FHIT: variants seen among roughly 807,000 people sequenced by gnomAD.
FHIT encodes fragile histidine triad diadenosine triphosphatase.
A neutral mutation model predicts 17.9 loss-of-function variants in FHIT; 19 were observed. That is an observed-to-expected ratio of 1.06 (90% CI 0.74 to 1.56). The LOEUF is 1.56. Among genes scored for constraint, FHIT ranks in the 40% most tolerant of loss-of-function variants. FHIT has a pLI of 0.00. For missense variants in FHIT, 248 were observed against 189.2 expected, an observed-to-expected ratio of 1.31 and a Z score of -1.82; for synonymous variants, 81 against 69.7, an observed-to-expected ratio of 1.16 and a Z score of -0.81.
intron 5 of FHIT, among the ~76,000 whole-genome samples, chr3:60,085,058 G>A (rs1576064220): frequency 6.6e-6 from 1 of 152,246 alleles, no homozygotes; most frequent in Middle Eastern, 3.4e-3. Context: ...CTGGCTCCCT[G>A]TCGCCATGTT....
At chr3:59,988,820 A>C (rs1187627745) in intron 7 of FHIT, among the ~76,000 whole-genome samples, 3 of 152,078 alleles carry the variant, frequency 2.0e-5, no homozygotes, top group African/African-American at 7.2e-5. Context: ...AAGCCCTCCA[A>C]GATAGGGGAA....
rs963842121 is a variant in FHIT at position 60,537,487 on chromosome 3, C to T, written c.-17-508G>A. On this transcript the variant is annotated intron_variant, in intron 4 of 9. Transcript: ENST00000492590. ...GCCTACAATTACAAAAACATGAGCA[C>T]TTCCAGAGAACTATTCTAGTAAAAT... 5 of 981,722 alleles carry T rather than the reference C, an allele frequency of 5.1e-6. No homozygotes were observed. The African/African-American group carries it at 8.8e-5, about 17-fold the overall frequency. The allele number at this position is 981,722 out of a possible 1,614,324, so 60.8% of individuals were successfully genotyped here. A position where few individuals can be genotyped will look rare whatever the true frequency, so the allele number is the denominator to read the frequency against.
chr3:59,762,417 C>A (rs1701569236), intron 8 of FHIT, among the ~76,000 whole-genome samples: 1 of 152,100 alleles, frequency 6.6e-6, no homozygotes, highest in Admixed American at 6.5e-5. Context: ...GCTCATCATC[C>A]CCATTTTCCA....
intron 5 of FHIT, among the ~76,000 whole-genome samples, chr3:60,271,375 C>T (rs1476177886): frequency 6.6e-6 from 1 of 152,048 alleles, no homozygotes. Context: ...TGCACTCCAG[C>T]CTGGGGAAAG....
intron 5 of FHIT, among the ~76,000 whole-genome samples, chr3:60,374,861 G>C (rs1357987372): frequency 6.6e-6 from 1 of 151,978 alleles, no homozygotes; most frequent in East Asian, 1.9e-4. Context: ...CACTGAACCA[G>C]CCCTTGCAGT....
chr3:60,802,699 G>A (rs1271171787), intron 4 of FHIT, among the ~76,000 whole-genome samples: 2 of 151,800 alleles, frequency 1.3e-5, no homozygotes, highest in African/African-American at 4.8e-5. Flanking sequence ...TTAGGAACTG[G>A]GTGTCATTTA....
intron 5 of FHIT, among the ~76,000 whole-genome samples, chr3:60,402,885 C>A: frequency 6.6e-6 from 1 of 152,312 alleles, no homozygotes; most frequent in Middle Eastern, 3.4e-3. Flanking sequence ...TAATAGCCCA[C>A]TGTCTTGGCA....
chr3:60,441,788 A>G (rs370664374), intron 5 of FHIT, among the ~76,000 whole-genome samples: 5,787 of 11,198 alleles, frequency 0.52, 2,195 homozygotes, highest in Non-Finnish European at 0.74. Context: ...ATAAAAATAT[A>G]TATATATATA....
At chr3:59,789,222 A>C (rs1420372190) in intron 8 of FHIT, among the ~76,000 whole-genome samples, 2 of 152,348 alleles carry the variant, frequency 1.3e-5, no homozygotes, top group African/African-American at 4.8e-5. Context: ...CATTCTGCAC[A>C]ATTAATGTCA....
intron 4 of FHIT, among the ~76,000 whole-genome samples, chr3:60,645,637 T>C (rs2039837530): frequency 6.6e-6 from 1 of 152,298 alleles, no homozygotes; most frequent in East Asian, 1.9e-4. Flanking sequence ...ATGAGGCAGC[T>C]GTCTTTTGGT....
chr3:61,122,802 G>C (rs537898044), intron 2 of FHIT, among the ~76,000 whole-genome samples: 1 of 152,236 alleles, frequency 6.6e-6, no homozygotes, highest in Non-Finnish European at 1.5e-5. Flanking sequence ...ACCACAATGA[G>C]ATACCATCTC....
intron 5 of FHIT, among the ~76,000 whole-genome samples, chr3:60,463,983 A>G (rs540824319): frequency 1.3e-5 from 2 of 152,296 alleles, no homozygotes; most frequent in African/African-American, 4.8e-5. Flanking sequence ...GGATAACAGA[A>G]GCTCCTTTTG....
intron 8 of FHIT, among the ~76,000 whole-genome samples, chr3:59,806,443 G>A (rs1029636844): frequency 1.3e-5 from 2 of 151,816 alleles, no homozygotes; most frequent in Non-Finnish European, 2.9e-5. Flanking sequence ...CCAATGCTTC[G>A]TTCCACTTCT....
intron 5 of FHIT, among the ~76,000 whole-genome samples, chr3:60,088,657 G>A (rs1358924512): frequency 6.6e-6 from 1 of 152,038 alleles, no homozygotes; most frequent in African/African-American, 2.4e-5. Flanking sequence ...GGAGTTATTA[G>A]GCTCAACCCT....
intron 5 of FHIT, among the ~76,000 whole-genome samples, chr3:60,507,850 G>T (rs927901180): frequency 1.3e-5 from 2 of 152,142 alleles, no homozygotes; most frequent in African/African-American, 2.4e-5. Context: ...TAAAGGACAT[G>T]ATTTCATTCT....
chr3:60,892,807 C>A (rs9827429), intron 3 of FHIT, among the ~76,000 whole-genome samples: 1 of 151,808 alleles, frequency 6.6e-6, no homozygotes, highest in Admixed American at 6.6e-5. Flanking sequence ...TAATAATATG[C>A]GTAAATGCAT....
chr3:60,273,878 T>C (rs73835237), intron 5 of FHIT, among the ~76,000 whole-genome samples: 13,501 of 152,230 alleles, frequency 0.089, 649 homozygotes, highest in African/African-American at 0.12. Flanking sequence ...AGTAATGTTC[T>C]GAAACATTTA....
intron 5 of FHIT, among the ~76,000 whole-genome samples, chr3:60,489,366 C>T (rs2033970824): frequency 6.6e-6 from 1 of 152,136 alleles, no homozygotes; most frequent in African/African-American, 2.4e-5. Context: ...CAACAAAATC[C>T]TGGCTTCCAA....
intron 8 of FHIT, among the ~76,000 whole-genome samples, chr3:59,842,139 T>G (rs1161080550): frequency 6.6e-6 from 1 of 152,194 alleles, no homozygotes; most frequent in Non-Finnish European, 1.5e-5. Flanking sequence ...AGATAACTCA[T>G]GTAAGTGGAA....
Sources: gnomAD v4.1 joint callset for allele counts (sites outside exome capture counted in the v4.1 genomes callset) on GRCh38, gnomAD v4.1.1 for gene constraint, MANE v1.5 for transcripts, NCBI Gene and HGNC (gene_info 2026-07-23, HGNC 2026-07-21) for gene names.